NBEAL1: variants seen among roughly 807,000 people sequenced by gnomAD.
NBEAL1 encodes the protein neurobeachin like 1, also known as neurobeachin-like protein 1.
A neutral mutation model predicts 351.3 loss-of-function variants in NBEAL1; 273 were observed. The ratio of observed to expected loss-of-function variants is 0.78; its 90% CI spans 0.70 to 0.86. NBEAL1 has a LOEUF of 0.86. Ranked by LOEUF, NBEAL1 falls within the 40% of genes least tolerant of loss-of-function variation. The probability of loss-of-function intolerance (pLI) is 0.00; values close to 1 mark genes in which losing one functional copy is unlikely to be tolerated. For missense variants in NBEAL1, 2,961 were observed against 3,201.3 expected, an observed-to-expected ratio of 0.92 and a Z score of 1.81; for synonymous variants, 1,050 against 1,086.4, an observed-to-expected ratio of 0.97 and a Z score of 0.66.
intron 2 of NBEAL1, among the ~76,000 whole-genome samples, chr2:203,020,021 TA>T (rs1422028996): frequency 2.4e-5 from 3 of 124,334 alleles, no homozygotes; most frequent in Non-Finnish European, 5.8e-5. Flanking sequence ...TTTTAATTGA[TA>T]AATAATTTTA....
intron 6 of NBEAL1, among the ~76,000 whole-genome samples, chr2:203,067,269 T>C (rs2061609090): frequency 6.6e-6 from 1 of 152,244 alleles, no homozygotes; most frequent in African/African-American, 2.4e-5. Flanking sequence ...TGTTCTAACA[T>C]GTTTTGTTTG....
chr2:203,162,106 C>A lies in NBEAL1; in HGVS notation c.5715-4043C>A, dbSNP rs1196893661. 4.7e-5 allele frequency among the ~76,000 whole-genome samples: 7 copies of A among 150,278 alleles called. No individual in the cohort carries two copies. The Admixed American group carries it at 4.7e-4, about 10-fold the overall frequency. On this transcript the variant is annotated intron_variant, in intron 36 of 55. Coordinates refer to ENST00000683969, the MANE Select transcript of NBEAL1 (RefSeq NM_001378026.1). ...TGGCGCGATCTCGGCTCCCTGTAAC[C>A]ACCACCTCCTGGGTTCGAGTGATTC...
intron 18 of NBEAL1, among the ~76,000 whole-genome samples, chr2:203,121,671 A>G (rs933289106): frequency 2.0e-5 from 3 of 150,898 alleles, no homozygotes; most frequent in African/African-American, 4.9e-5. Context: ...AAAAAAAAAC[A>G]TCACTGTGGC....
intron 6 of NBEAL1, among the ~76,000 whole-genome samples, chr2:203,067,158 CAT>C (rs1201490584): frequency 1.3e-5 from 2 of 152,356 alleles, no homozygotes; most frequent in South Asian, 4.1e-4. Flanking sequence ...TTTTCTACCA[CAT>C]GATTGAATTT....
At chr2:203,021,302 A>G (rs2060768516) in intron 2 of NBEAL1, among the ~76,000 whole-genome samples, 1 of 151,514 alleles carries the variant, frequency 6.6e-6, no homozygotes, top group African/African-American at 2.4e-5. Context: ...TTTAATGTCT[A>G]AAGATTTCAG....
intron 2 of NBEAL1, among the ~76,000 whole-genome samples, chr2:203,032,117 G>A (rs988053251): frequency 2.0e-5 from 3 of 152,058 alleles, no homozygotes; most frequent in East Asian, 1.9e-4. Flanking sequence ...AGGCTCTTGC[G>A]AACTACCATA....
intron 2 of NBEAL1, among the ~76,000 whole-genome samples, chr2:203,038,147 T>C (rs934001990): frequency 6.7e-6 from 1 of 149,494 alleles, no homozygotes; most frequent in Admixed American, 6.7e-5. Flanking sequence ...GTTAACTTGA[T>C]AGAATTTTTG....
At chr2:203,032,566 A>T (rs1372593443) in intron 2 of NBEAL1, among the ~76,000 whole-genome samples, 1 of 146,996 alleles carries the variant, frequency 6.8e-6, no homozygotes, top group Non-Finnish European at 1.5e-5. Context: ...AGGCTGAGGC[A>T]GGAGAATGGC....
chr2:203,099,461 G>A (rs1203648970), intron 11 of NBEAL1, among the ~76,000 whole-genome samples, 168 bp from the exon 12 acceptor site: 1 of 151,986 alleles, frequency 6.6e-6, no homozygotes, highest in East Asian at 1.9e-4. Flanking sequence ...TTTTAAATAG[G>A]TAACTTTCCT....
intron 3 of NBEAL1, among the ~76,000 whole-genome samples, chr2:203,047,811 A>G (rs1376982761): frequency 6.8e-6 from 1 of 148,034 alleles, no homozygotes; most frequent in Non-Finnish European, 1.5e-5. Flanking sequence ...TGGCATGATC[A>G]TAGCTCACTG....
chr2:203,208,184 G>T (rs2065664270), intron 51 of NBEAL1, among the ~76,000 whole-genome samples: 1 of 152,104 alleles, frequency 6.6e-6, no homozygotes, highest in African/African-American at 2.4e-5. Context: ...ACTCAGGGAG[G>T]CTAAGGTGGG....
chr2:203,114,474 C>T (rs1183093049), intron 17 of NBEAL1, among the ~76,000 whole-genome samples: 1 of 152,084 alleles, frequency 6.6e-6, no homozygotes, highest in Non-Finnish European at 1.5e-5. Context: ...GATAAGTTTG[C>T]AAACTGTTTT....
chr2:203,172,719 G>T lies in NBEAL1; in HGVS notation c.6199-10G>T, dbSNP rs116604257. 7,093 of 1,595,620 alleles carry T rather than the reference G, an allele frequency of 4.4e-3. 25 individuals carry two copies. Among genetic ancestry groups the T allele is most frequent in the Non-Finnish European group, 5.7e-3 (6,653 of 1,171,694 alleles). On this transcript the variant is annotated splice_polypyrimidine_tract_variant and intron_variant, in intron 40 of 55. Coordinates refer to ENST00000683969, the MANE Select transcript of NBEAL1 (RefSeq NM_001378026.1). The stretch of plus-strand genomic sequence containing the variant: ...AGGAATGTCTAAATTGTAAATTATG[G>T]CTCTTTTAGTTTCCCTGGATTTTAC...
intron 4 of NBEAL1, among the ~76,000 whole-genome samples, chr2:203,055,026 C>T (rs2106088114): frequency 6.6e-6 from 1 of 152,258 alleles, no homozygotes; most frequent in Non-Finnish European, 1.5e-5. Context: ...TGGTAGAAGT[C>T]ATGAGTGCAA....
At chr2:203,113,410 A>G in intron 17 of NBEAL1, 92 bp downstream of exon 17, 1 of 685,314 alleles carries the variant, frequency 1.5e-6, no homozygotes, top group South Asian at 7.0e-5. Context: ...ATATAGAAGA[A>G]TATATTCTGA....
rs915798958 is a variant in NBEAL1 at position 203,218,882 on chromosome 2, T to C, written c.*1528T>C. 17 of 152,206 alleles carry C rather than the reference T, an allele frequency of 1.1e-4. No individual in the cohort carries two copies. The highest frequency in any genetic ancestry group is 2.1e-4 in the Non-Finnish European group (14 of 68,032). The allele number at this position is 152,206 out of a possible 1,614,324, so 9.4% of individuals were successfully genotyped here. A position where few individuals can be genotyped will look rare whatever the true frequency, so the allele number is the denominator to read the frequency against. On this transcript the variant is annotated 3_prime_UTR_variant, in exon 56 of 56. Coordinates refer to ENST00000683969, the MANE Select transcript of NBEAL1 (RefSeq NM_001378026.1). ...TCCAATAAGTAAAAATCCTCTGTTT[T>C]ATTAAGGAAAAAATAGCTATGTTTT...
At chr2:203,186,947 T>C (rs2064914735) in intron 44 of NBEAL1, among the ~76,000 whole-genome samples, 1 of 152,222 alleles carries the variant, frequency 6.6e-6, no homozygotes, top group Non-Finnish European at 1.5e-5. Context: ...CTTAAATCTT[T>C]CTGAGGTCTC....
intron 2 of NBEAL1, among the ~76,000 whole-genome samples, chr2:203,027,115 T>C (rs1452892578): frequency 6.6e-6 from 1 of 152,228 alleles, no homozygotes; most frequent in Non-Finnish European, 1.5e-5. Context: ...TATTAAGATA[T>C]AGGGAACTAT....
intron 46 of NBEAL1, among the ~76,000 whole-genome samples, chr2:203,193,460 A>G (rs1171641193): frequency 1.3e-5 from 2 of 152,198 alleles, no homozygotes; most frequent in African/African-American, 2.4e-5. Flanking sequence ...AAGACAGACC[A>G]TAAACAACTA....
Sources: gnomAD v4.1 joint callset for allele counts (sites outside exome capture counted in the v4.1 genomes callset) on GRCh38, gnomAD v4.1.1 for gene constraint, MANE v1.5 for transcripts, NCBI Gene and HGNC (gene_info 2026-07-23, HGNC 2026-07-21) for gene names.